The following PRPF39 variants were observed in gnomAD, a reference collection of about 807,000 sequenced individuals.
PRPF39 encodes the protein pre-mRNA-processing factor 39.
A neutral mutation model predicts 82.1 loss-of-function variants in PRPF39; 27 were observed. The observed-to-expected ratio is 0.33, with a 90% confidence interval of 0.24 to 0.45. The LOEUF is 0.45. PRPF39 is among the 20% of genes least tolerant of loss of function. The pLI, the probability that PRPF39 is intolerant of heterozygous loss-of-function variation, is 1.00. For synonymous variants in PRPF39, 261 were observed against 256.4 expected, an observed-to-expected ratio of 1.02 and a Z score of -0.17; for missense variants, 581 against 796.9, an observed-to-expected ratio of 0.73 and a Z score of 3.26.
intron 13 of PRPF39, 52 bp from the exon 14 acceptor site, chr14:45,114,805 T>C (rs1884792866): frequency 6.7e-7 from 1 of 1,482,074 alleles, no homozygotes; most frequent in Non-Finnish European, 9.4e-7. Context: ...CTTTTACATA[T>C]GGAACTCTGC....
chr14:45,102,419 A>G, intron 4 of PRPF39, 110 bp from the exon 5 acceptor site: 2 of 865,466 alleles, frequency 2.3e-6, no homozygotes, highest in Non-Finnish European at 3.4e-6. Flanking sequence ...TTGCATAGGA[A>G]GCAGTTGAAT....
At chr14:45,114,421 A>G in intron 12 of PRPF39, 73 bp from the exon 13 acceptor site, 1 of 1,446,236 alleles carries the variant, frequency 6.9e-7, no homozygotes, top group South Asian at 1.4e-5. Flanking sequence ...AAATATACAG[A>G]TAACATTCAT....
Position 45,107,553 on chromosome 14 carries a change from T to A in PRPF39, c.840T>A (p.Gly280=), listed in dbSNP as rs771204356. ...RELASVNGHS[G]DDGPPGDDLP... is the part of the protein sequence containing the mutation. ...TAGCTTCTGTAAATGGTCATAGTGG[T>A]GATGATGGTCCTCCTGGTGATGATC... Residue 280 remains glycine, a synonymous_variant, in exon 6 of 14, where the codon GGT becomes GGA. Coordinates refer to ENST00000355765, the MANE Select transcript of PRPF39 (RefSeq NM_017922.4). 13 of 1,554,420 alleles carry A rather than the reference T, an allele frequency of 8.4e-6. No homozygotes were observed. In the South Asian group the frequency reaches 1.5e-4, roughly 18 times the overall value.
chr14:45,102,302 TGATA>T (rs1266648165), intron 4 of PRPF39, among the ~76,000 whole-genome samples: 4 of 152,254 alleles, frequency 2.6e-5, no homozygotes, highest in African/African-American at 9.6e-5. Flanking sequence ...ATTTTCTATT[TGATA>T]AAGTTACATA....
At chr14:45,105,517 T>C (rs1884499947) in intron 5 of PRPF39, among the ~76,000 whole-genome samples, 2 of 151,556 alleles carry the variant, frequency 1.3e-5, no homozygotes, top group African/African-American at 4.8e-5. Flanking sequence ...TCCAATGTTA[T>C]TTATATACTT....
intron 7 of PRPF39, among the ~76,000 whole-genome samples, 186 bp downstream of exon 7, chr14:45,108,708 A>G (rs1361009093): frequency 6.6e-6 from 1 of 152,184 alleles, no homozygotes; most frequent in Non-Finnish European, 1.5e-5. Context: ...GAGTTTTAGA[A>G]TGTTTGAATC....
At chr14:45,114,769 T>G in intron 13 of PRPF39, 88 bp from the exon 14 acceptor site, 1 of 1,399,682 alleles carries the variant, frequency 7.1e-7, no homozygotes, top group Non-Finnish European at 9.9e-7. Flanking sequence ...TTGCTTGTTT[T>G]CTTAAACATA....
At position 45,110,327 on chromosome 14, in the gene PRPF39, T is replaced by G. The variant is rs765244781; in HGVS notation, c.1303+107T>G. 2.5e-5 allele frequency: 36 copies of G among 1,453,872 alleles called. No individual in the cohort carries two copies. Among genetic ancestry groups the G allele is most frequent in the Non-Finnish European group, 3.0e-5 (32 of 1,080,318 alleles). 90.1% of individuals were successfully genotyped at this position (1,453,872 alleles called of 1,614,324 possible). On this transcript the variant is annotated intron_variant, in intron 9 of 13. Transcript: ENST00000355765. This position sits in a 1 kb window ranked among gnomAD's most constrained non-coding sequence, Gnocchi z 4.0. The stretch of plus-strand genomic sequence containing the variant: ...GGTGTAAAGCAGAGTTTGGCAAACT[T>G]TTTCTCTAAAGGGCCAGATAGTAAA...
At chr14:45,089,266 T>C (rs997726088) in intron 1 of PRPF39, among the ~76,000 whole-genome samples, 7 of 152,214 alleles carry the variant, frequency 4.6e-5, no homozygotes, top group Non-Finnish European at 4.4e-5. Context: ...TTTAAGTTAA[T>C]TTTTACATGT....
chr14:45,107,290 A>G (rs753750911), intron 5 of PRPF39, among the ~76,000 whole-genome samples, 161 bp from the exon 6 acceptor site: 4 of 152,218 alleles, frequency 2.6e-5, no homozygotes, highest in Non-Finnish European at 2.9e-5. Flanking sequence ...GTGTTTTATC[A>G]TATATGGTAG....
At chr14:45,087,830 G>A (rs1033993340) in intron 1 of PRPF39, among the ~76,000 whole-genome samples, 3 of 145,356 alleles carry the variant, frequency 2.1e-5, no homozygotes, top group East Asian at 4.2e-4. Context: ...CTCATGATCC[G>A]CCCGCCTCAG....
intron 4 of PRPF39, among the ~76,000 whole-genome samples, chr14:45,098,873 A>G (rs1450516853): frequency 6.6e-6 from 1 of 152,210 alleles, no homozygotes; most frequent in Non-Finnish European, 1.5e-5. Flanking sequence ...TCCAACTTTT[A>G]GAAGAGTGTG....
intron 1 of PRPF39, among the ~76,000 whole-genome samples, chr14:45,085,615 T>C (rs531873012): frequency 6.6e-6 from 1 of 152,326 alleles, no homozygotes; most frequent in South Asian, 2.1e-4. Flanking sequence ...GACGTTTATG[T>C]AAATACATAT....
intron 4 of PRPF39, among the ~76,000 whole-genome samples, chr14:45,099,335 T>G (rs570131638): frequency 5.1e-4 from 77 of 152,264 alleles, no homozygotes; most frequent in African/African-American, 1.7e-3. Context: ...TTCTTTTAAT[T>G]ACTGAGTTTT....
intron 2 of PRPF39, chr14:45,095,854 C>G (rs560936709): frequency 4.8e-6 from 2 of 413,002 alleles, no homozygotes; most frequent in Non-Finnish European, 7.8e-6. Flanking sequence ...GTTTCAATTG[C>G]GTTTAGAAGA....
intron 5 of PRPF39, 42 bp downstream of exon 5, chr14:45,102,738 CAG>C: frequency 6.8e-7 from 1 of 1,469,094 alleles, no homozygotes. Context: ...TTTGATTACT[CAG>C]ATAGTTGGTA....
At chr14:45,087,337 C>T (rs1411604244) in intron 1 of PRPF39, among the ~76,000 whole-genome samples, 1 of 152,140 alleles carries the variant, frequency 6.6e-6, no homozygotes, top group African/African-American at 2.4e-5. Flanking sequence ...TGGACTCAAG[C>T]AGTCCTCTCA....
chr14:45,111,092 T>C, intron 10 of PRPF39: 1 of 379,090 alleles, frequency 2.6e-6, no homozygotes, highest in Non-Finnish European at 4.8e-6. Context: ...ACAAATTTAC[T>C]GATTACTAAG....
intron 6 of PRPF39, 70 bp from the exon 7 acceptor site, chr14:45,108,345 T>C (rs1373496193): frequency 5.6e-6 from 8 of 1,439,980 alleles, no homozygotes; most frequent in Non-Finnish European, 7.3e-6. Context: ...TACTTAAATA[T>C]AAGCAGTGAT....
Sources: allele counts gnomAD v4.1 joint callset (sites outside exome capture counted in the v4.1 genomes callset), GRCh38; gene constraint gnomAD v4.1.1; non-coding constraint Gnocchi (gnomAD v3.1); transcripts MANE v1.5; gene names NCBI Gene and HGNC (gene_info 2026-07-23, HGNC 2026-07-21).